Variants in DGCR2 observed in about 807,000 individuals in gnomAD.
The protein encoded by DGCR2 is DiGeorge syndrome critical region gene 2.
In DGCR2, 24 loss-of-function variants were observed where a neutral mutation model predicts 51.6. The ratio of observed to expected loss-of-function variants is 0.47; its 90% CI spans 0.34 to 0.65. The LOEUF is 0.65. DGCR2 is among the 30% of genes least tolerant of loss of function. DGCR2 has a pLI of 0.01. For missense variants in DGCR2, 765 were observed against 772.1 expected (o/e 0.99, Z 0.11); for synonymous variants, 340 against 315.4 (o/e 1.08, Z -0.82).
At position 19,122,376 on chromosome 22, in the gene DGCR2, T is replaced by G. The variant is rs964945811; in HGVS notation, c.-170A>C. 8.2e-6 allele frequency: 4 copies of G among 486,812 alleles called. No individual in the cohort carries two copies. The highest frequency in any genetic ancestry group is 3.7e-5 in the East Asian group (1 of 26,732). The allele number at this position is 486,812 out of a possible 1,614,324, so 30.2% of individuals were successfully genotyped here. Reference sequence around the variant, plus strand: ...CCGCGGGCTGGCGCACACTCTCGGCTGCAACCTCAGGCACCGACTCCAGCT... The same window carrying G: ...CCGCGGGCTGGCGCACACTCTCGGCGGCAACCTCAGGCACCGACTCCAGCT... On this transcript the variant is annotated 5_prime_UTR_variant, in exon 1 of 10. Transcript: ENST00000263196.
intron 4 of DGCR2, among the ~76,000 whole-genome samples, chr22:19,064,293 G>T (rs953715238): frequency 4.6e-5 from 7 of 152,246 alleles, no homozygotes; most frequent in Non-Finnish European, 1.0e-4. Flanking sequence ...CTGTCCTCAT[G>T]GGGTTAGTAC....
At chr22:19,099,919 G>A (rs758292536) in intron 1 of DGCR2, among the ~76,000 whole-genome samples, 29 of 149,258 alleles carry the variant, frequency 1.9e-4, no homozygotes, top group Non-Finnish European at 3.0e-4. Context: ...GCAGTGAGCC[G>A]AGATTGTACC....
intron 5 of DGCR2, among the ~76,000 whole-genome samples, chr22:19,059,417 C>T (rs2082636842): frequency 6.6e-6 from 1 of 151,970 alleles, no homozygotes; most frequent in Non-Finnish European, 1.5e-5. Context: ...GGGATGACTC[C>T]TGCAGATTTT....
rs1177852834 is a variant in DGCR2, at chr22:19,112,505, G to T, written c.79+9623C>A. Reference sequence around the variant, plus strand: ...TGCCTAGGCTGGAGTGCAGAGGCATGATCTCAGCTCACCATAACCTCTGCT... The same window carrying T: ...TGCCTAGGCTGGAGTGCAGAGGCATTATCTCAGCTCACCATAACCTCTGCT... On this transcript the variant is annotated intron_variant, in intron 1 of 9. Transcript: ENST00000263196. 1.9e-5 allele frequency among the ~76,000 whole-genome samples: 2 copies of T among 106,548 alleles called. 1 individual carries two copies. Among genetic ancestry groups the T allele is most frequent in the Non-Finnish European group, 4.3e-5 (2 of 46,108 alleles). The allele number at this position is 106,548 out of a possible 152,430, so 69.9% of individuals were successfully genotyped here. A position where few individuals can be genotyped will look rare whatever the true frequency, so the allele number is the denominator to read the frequency against.
intron 2 of DGCR2, among the ~76,000 whole-genome samples, chr22:19,071,129 C>A (rs1301311578): frequency 6.6e-6 from 1 of 152,236 alleles, no homozygotes; most frequent in South Asian, 2.1e-4. Context: ...CAGCTGGGGA[C>A]CTGGTGCAGG....
In DGCR2 at chr22:19,111,851, TATTTA is replaced by T. The variant is rs1177973420; in HGVS notation, c.79+10272_79+10276del. 2.6e-3 allele frequency among the ~76,000 whole-genome samples: 367 copies of T among 139,780 alleles called. 8 individuals are homozygous for T. Among genetic ancestry groups the T allele is most frequent in the East Asian group, 6.3e-3 (32 of 5,052 alleles). The allele number at this position is 139,780 out of a possible 152,430, so 91.7% of individuals were successfully genotyped here. ...TAAACTCTTTTTTGTTTTTATTTTT[TATTTA>T]TTTATTTTTTTTTGTCTCCAGGAAG... is the stretch of plus-strand genomic sequence containing the variant. On this transcript the variant is annotated intron_variant, in intron 1 of 9. Coordinates refer to ENST00000263196, the MANE Select transcript of DGCR2 (RefSeq NM_005137.3).
intron 5 of DGCR2, 98 bp downstream of exon 5, chr22:19,063,104 A>G: frequency 8.4e-7 from 1 of 1,186,124 alleles, no homozygotes. Context: ...CAGCACCCCT[A>G]CGGGCCAGGC....
At chr22:19,082,116 C>T (rs902902860) in intron 2 of DGCR2, among the ~76,000 whole-genome samples, 25 of 146,658 alleles carry the variant, frequency 1.7e-4, no homozygotes, top group African/African-American at 5.5e-4. Flanking sequence ...GGTGTAATCT[C>T]GGCTCACTGC....
intron 5 of DGCR2, 74 bp downstream of exon 5, chr22:19,063,128 A>C: frequency 1.4e-6 from 2 of 1,407,392 alleles, no homozygotes; most frequent in Non-Finnish European, 2.0e-6. Flanking sequence ...ACTGGGTAAG[A>C]GGGAGGAGGG....
At chr22:19,108,136 T>C (rs573666215) in intron 1 of DGCR2, among the ~76,000 whole-genome samples, 2 of 152,232 alleles carry the variant, frequency 1.3e-5, no homozygotes, top group Admixed American at 1.3e-4. Flanking sequence ...CAGATTTTAC[T>C]AGGGAAGGAG....
At chr22:19,073,128 G>A (rs1319940714) in intron 2 of DGCR2, among the ~76,000 whole-genome samples, 5 of 152,124 alleles carry the variant, frequency 3.3e-5, no homozygotes. Flanking sequence ...GCTGGGCATA[G>A]TGGCATATGC....
chr22:19,117,364 T>G (rs807746), intron 1 of DGCR2, among the ~76,000 whole-genome samples: 19,895 of 152,248 alleles, frequency 0.13, 2,144 homozygotes, highest in African/African-American at 0.29. Context: ...AACCCTGACA[T>G]GCAGTGATGC....
At chr22:19,060,863 G>A (rs371713917) in intron 5 of DGCR2, 16 of 515,956 alleles carry the variant, frequency 3.1e-5, no homozygotes, top group African/African-American at 1.2e-4. Context: ...GGAACCCTGC[G>A]GAAACGAGCT....
chr22:19,096,563 C>T (rs2083141923), intron 1 of DGCR2, among the ~76,000 whole-genome samples: 2 of 147,920 alleles, frequency 1.4e-5, no homozygotes, highest in African/African-American at 2.4e-5. Flanking sequence ...ATCATATATA[C>T]CCCACACATG....
At chr22:19,064,751 G>T (rs1402698628) in intron 4 of DGCR2, 97 bp downstream of exon 4, 5 of 1,208,422 alleles carry the variant, frequency 4.1e-6, no homozygotes, top group Non-Finnish European at 5.9e-6. Flanking sequence ...CTGTCTGCCA[G>T]CTGTGCTCCA....
At chr22:19,068,386 C>T (rs1288911088) in intron 2 of DGCR2, among the ~76,000 whole-genome samples, 161 bp from the exon 3 acceptor site, 3 of 152,202 alleles carry the variant, frequency 2.0e-5, no homozygotes, top group African/African-American at 4.8e-5. Flanking sequence ...GAAACACTGC[C>T]GCTCGCATCA....
At chr22:19,089,580 G>A in intron 1 of DGCR2, 90 bp from the exon 2 acceptor site, 2 of 1,250,432 alleles carry the variant, frequency 1.6e-6, no homozygotes, top group Non-Finnish European at 2.1e-6. Context: ...CTTCCCATTT[G>A]TTTGTTTGTT....
At chr22:19,118,374 C>CAAAAAAAAAAAAAA (rs923572855) in intron 1 of DGCR2, among the ~76,000 whole-genome samples, 1 of 56,762 alleles carries the variant, frequency 1.8e-5, no homozygotes, top group Non-Finnish European at 3.2e-5. Flanking sequence ...CCATCGCAAA[C>CAAAAAAAAAAAAAA]AAAAAAAAAA....
At chr22:19,071,488 A>T (rs906844735) in intron 2 of DGCR2, among the ~76,000 whole-genome samples, 1 of 152,244 alleles carries the variant, frequency 6.6e-6, no homozygotes, top group Admixed American at 6.5e-5. Context: ...ACCTAAAAAA[A>T]AAAAGTCTCA....
Sources: allele counts gnomAD v4.1 joint callset (sites outside exome capture counted in the v4.1 genomes callset), GRCh38; gene constraint gnomAD v4.1.1; transcripts MANE v1.5; gene names NCBI Gene and HGNC (gene_info 2026-07-23, HGNC 2026-07-21).